Variants in GNPTAB observed in about 807,000 individuals in gnomAD.
The protein encoded by GNPTAB is N-acetylglucosamine-1-phosphotransferase subunits alpha/beta.
GNPTAB carries 92 observed loss-of-function variants against 136.6 expected under a neutral mutation model. That is an observed-to-expected ratio of 0.67 (90% CI 0.57 to 0.80). The LOEUF is 0.80. Among genes scored for constraint, GNPTAB ranks in the 30% least tolerant of loss-of-function variants. The probability of loss-of-function intolerance (pLI) is 0.00; values close to 1 mark genes in which losing one functional copy is unlikely to be tolerated. For missense variants in GNPTAB, 1,343 were observed against 1,501.8 expected, an observed-to-expected ratio of 0.89 and a Z score of 1.75; for synonymous variants, 512 against 535.1, an observed-to-expected ratio of 0.96 and a Z score of 0.60.
intron 2 of GNPTAB, among the ~76,000 whole-genome samples, chr12:101,791,164 C>T (rs12297894): frequency 6.6e-6 from 1 of 152,192 alleles, no homozygotes; most frequent in Non-Finnish European, 1.5e-5. Flanking sequence ...GTCAGGCAGG[C>T]TTTTAATTCT....
chr12:101,820,438 A>G (rs1223089850), intron 1 of GNPTAB, among the ~76,000 whole-genome samples: 1 of 152,174 alleles, frequency 6.6e-6, no homozygotes, highest in African/African-American at 2.4e-5. Context: ...CCTGTAGACT[A>G]ACTGCCCTGC....
intron 2 of GNPTAB, among the ~76,000 whole-genome samples, 173 bp from the exon 3 acceptor site, chr12:101,790,230 A>G (rs909625007): frequency 5.3e-5 from 8 of 152,222 alleles, no homozygotes; most frequent in Admixed American, 3.9e-4. Context: ...TGGGGGGCTA[A>G]TATTTGTCAA....
intron 16 of GNPTAB, among the ~76,000 whole-genome samples, chr12:101,758,805 T>C (rs1259621634): frequency 6.6e-6 from 1 of 152,246 alleles, no homozygotes; most frequent in Admixed American, 6.5e-5. Context: ...TCATTATTTA[T>C]ACATGGCTTG....
chr12:101,777,647 C>T (rs1323299177), intron 7 of GNPTAB, among the ~76,000 whole-genome samples: 1 of 152,196 alleles, frequency 6.6e-6, no homozygotes, highest in African/African-American at 2.4e-5. Context: ...TCTCATGGCA[C>T]TCTGTATAAA....
At chr12:101,822,531 C>T (rs937017261) in intron 1 of GNPTAB, among the ~76,000 whole-genome samples, 10 of 152,178 alleles carry the variant, frequency 6.6e-5, no homozygotes, top group African/African-American at 2.2e-4. Context: ...CTTTCATGTG[C>T]TCCAACACAG....
chr12:101,810,378 T>C (rs1870151463), intron 1 of GNPTAB: 1 of 149,456 alleles, frequency 6.7e-6, no homozygotes, highest in Non-Finnish European at 1.5e-5. Flanking sequence ...CTCTAAAATA[T>C]AAAGTCTACT....
At chr12:101,756,865 A>C (rs908379790) in intron 18 of GNPTAB, 1 of 207,584 alleles carries the variant, frequency 4.8e-6, no homozygotes, top group Non-Finnish European at 9.7e-6. Context: ...CCATCTAAAC[A>C]ACTGTTCTGG....
At chr12:101,780,336 G>GA (rs1953323269) in intron 6 of GNPTAB, 50 bp from the exon 7 acceptor site, 1 of 1,594,576 alleles carries the variant, frequency 6.3e-7, no homozygotes, top group Non-Finnish European at 8.6e-7. Context: ...TGAGGCTGGT[G>GA]AAAACCTACA....
chr12:101,813,626 C>G (rs549692186), intron 1 of GNPTAB, among the ~76,000 whole-genome samples: 4 of 152,128 alleles, frequency 2.6e-5, no homozygotes, highest in Admixed American at 1.3e-4. Context: ...TTTCTTTTTT[C>G]TAACGTATGT....
chr12:101,780,022 A>G (rs1953316727), intron 7 of GNPTAB, 130 bp downstream of exon 7: 2 of 920,556 alleles, frequency 2.2e-6, no homozygotes, highest in Non-Finnish European at 3.5e-6. Context: ...CTCTTCTGGC[A>G]GAACAGAATC....
chr12:101,830,184 G>C (rs1871295308), intron 1 of GNPTAB, among the ~76,000 whole-genome samples: 1 of 152,184 alleles, frequency 6.6e-6, no homozygotes, highest in Non-Finnish European at 1.5e-5. Context: ...CTTGAGCCCA[G>C]GACTTCCAGA....
chr12:101,769,588 A>G (rs1953140794), intron 10 of GNPTAB, among the ~76,000 whole-genome samples: 1 of 151,982 alleles, frequency 6.6e-6, no homozygotes, highest in African/African-American at 2.4e-5. Flanking sequence ...GATCTCATAT[A>G]TCTATATATA....
chr12:101,795,743 T>C (rs974202766), intron 2 of GNPTAB: 15 of 151,174 alleles, frequency 9.9e-5, no homozygotes, highest in African/African-American at 2.9e-4. Flanking sequence ...AGAGTGCAAC[T>C]CTGTCTCCAA....
chr12:101,800,075 T>A (rs1434627892), intron 1 of GNPTAB, among the ~76,000 whole-genome samples: 1 of 152,236 alleles, frequency 6.6e-6, no homozygotes, highest in Admixed American at 6.5e-5. Context: ...ACAGGGCTTA[T>A]AAGGTTCTTA....
At chr12:101,817,415 G>A (rs778266460) in intron 1 of GNPTAB, among the ~76,000 whole-genome samples, 10 of 151,670 alleles carry the variant, frequency 6.6e-5, no homozygotes, top group Non-Finnish European at 2.9e-5. Flanking sequence ...CTACAGGCAC[G>A]TGCTACCACA....
chr12:101,765,347 A>AT (rs774181806), intron 12 of GNPTAB, 43 bp from the exon 13 acceptor site: 1 of 1,298,084 alleles, frequency 7.7e-7, no homozygotes, highest in South Asian at 1.2e-5. Context: ...TTAACTGGGC[A>AT]TTTTTCCTCT....
At chr12:101,822,767 A>G (rs934531038) in intron 1 of GNPTAB, among the ~76,000 whole-genome samples, 1 of 152,194 alleles carries the variant, frequency 6.6e-6, no homozygotes, top group Non-Finnish European at 1.5e-5. Context: ...GACCACAGAA[A>G]TATCAGGCCC....
chr12:101,766,208 T>C lies in GNPTAB; in HGVS notation c.1495A>G (p.Ile499Val). 1.2e-6 allele frequency: 2 copies of C among 1,614,086 alleles called. No homozygotes were observed. The highest frequency in any genetic ancestry group is 8.5e-7 in the Non-Finnish European group (1 of 1,179,930). The change falls in exon 12 of 21, where the codon ATA (isoleucine) becomes GTA (valine). Residue 499 changes from isoleucine (I) to valine (V), a missense_variant. Physicochemically the swap from Ile to Val is conservative, Grantham distance 29. Coordinates refer to ENST00000299314, the MANE Select transcript of GNPTAB (RefSeq NM_024312.5). Reference protein sequence around the residue: ...VGQPWQFGGGINSVSYCNQGC... With the variant: ...VGQPWQFGGGVNSVSYCNQGC... The stretch of plus-strand genomic sequence containing the variant: ...TGATTACAGTAAGAGACACTGTTTA[T>C]TCCTCCACCAAACTGCCAGGGCTGT...
intron 11 of GNPTAB, 110 bp from the exon 12 acceptor site, chr12:101,766,404 G>A (rs557316972): frequency 1.8e-4 from 167 of 904,938 alleles, no homozygotes; most frequent in Non-Finnish European, 2.9e-4. Flanking sequence ...TTGGGAGGCA[G>A]AGGAGGCTGG....
Sources: allele counts gnomAD v4.1 joint callset (sites outside exome capture counted in the v4.1 genomes callset), GRCh38; gene constraint gnomAD v4.1.1; transcripts MANE v1.5; gene names NCBI Gene and HGNC (gene_info 2026-07-23, HGNC 2026-07-21).